DCC: variants seen among roughly 807,000 people sequenced by gnomAD.
The protein encoded by DCC is DCC netrin 1 receptor, also known as netrin receptor DCC.
DCC carries 58 observed loss-of-function variants against 172.5 expected under a neutral mutation model. The observed-to-expected ratio is 0.34, with a 90% confidence interval of 0.27 to 0.42. The LOEUF (loss-of-function observed/expected upper bound fraction) is 0.42. Among genes scored for constraint, DCC ranks in the 10% least tolerant of loss-of-function variants. DCC has a pLI of 1.00. For synonymous variants in DCC, 709 were observed against 644.5 expected (o/e 1.10, Z -1.52); for missense variants, 1,740 against 1,791.0 (o/e 0.97, Z 0.51).
chr18:53,063,547 G>C (rs1449602013), intron 6 of DCC, 88 bp downstream of exon 6: 2 of 898,878 alleles, frequency 2.2e-6, no homozygotes, highest in South Asian at 3.1e-5. Context: ...AAAAAAAAAA[G>C]GTTCCTGTTG....
At chr18:53,098,702 G>C (rs930831141) in intron 7 of DCC, among the ~76,000 whole-genome samples, 1 of 151,976 alleles carries the variant, frequency 6.6e-6, no homozygotes, top group African/African-American at 2.4e-5. Flanking sequence ...AAGTTACTTT[G>C]CCCCCCTTTA....
At chr18:53,407,565 ACTCTCT>A (rs201397464) in intron 19 of DCC, among the ~76,000 whole-genome samples, 1 of 127,074 alleles carries the variant, frequency 7.9e-6, no homozygotes, top group Non-Finnish European at 1.7e-5. Context: ...ATTCACTATT[ACTCTCT>A]CTCTATATAT....
At chr18:53,475,052 C>T (rs988166665) in intron 25 of DCC, among the ~76,000 whole-genome samples, 2 of 152,132 alleles carry the variant, frequency 1.3e-5, no homozygotes, top group Non-Finnish European at 2.9e-5. Context: ...GCATTTTGCC[C>T]CTGCCCTAGA....
intron 1 of DCC, among the ~76,000 whole-genome samples, chr18:52,513,296 G>C (rs1787124): frequency 0.24 from 36,631 of 152,020 alleles, 4,543 homozygotes; most frequent in African/African-American, 0.28. Context: ...CATGAGACAC[G>C]ACTTCCTGAG....
intron 5 of DCC, among the ~76,000 whole-genome samples, chr18:53,023,334 AATAAAAAAAAAAC>A (rs929011871): frequency 6.9e-6 from 1 of 144,250 alleles, no homozygotes; most frequent in Non-Finnish European, 1.5e-5. Context: ...CTTAGAGTAT[AATAAAAAAAAAAC>A]ATAAAAAAAA....
intron 15 of DCC, among the ~76,000 whole-genome samples, chr18:53,342,792 T>A (rs2057675733): frequency 1.6e-5 from 2 of 123,810 alleles, no homozygotes; most frequent in Admixed American, 1.6e-4. Flanking sequence ...TTTGAATATA[T>A]GAACATATAT....
Position 52,800,443 on chromosome 18 carries a change from A to G in DCC, c.412+48069A>G, listed in dbSNP as rs150592064. Among the ~76,000 whole-genome samples the G allele has an allele frequency of 1.7e-3, 257 of 152,332 alleles. No homozygotes were observed. The East Asian group carries it at 0.024, about 14-fold the overall frequency. On this transcript the variant is annotated intron_variant, in intron 2 of 28. Coordinates refer to ENST00000442544, the MANE Select transcript of DCC (RefSeq NM_005215.4). ...ACATTTCCAGTGAGATTTGAGCAGC[A>G]TCTTATCTTTCAATGTGTTCTTTAT...
chr18:53,038,335 G>T (rs778512179), intron 5 of DCC, among the ~76,000 whole-genome samples: 3 of 151,872 alleles, frequency 2.0e-5, no homozygotes, highest in Middle Eastern at 3.4e-3. Context: ...TATCATAAAC[G>T]GAGTGGCTTA....
chr18:53,113,979 A>G (rs1488970833), intron 7 of DCC, among the ~76,000 whole-genome samples: 1 of 151,404 alleles, frequency 6.6e-6, no homozygotes. Flanking sequence ...TGAAGCTTTC[A>G]TTCTCTCTAA....
intron 7 of DCC, among the ~76,000 whole-genome samples, chr18:53,136,869 A>T (rs984407753): frequency 1.3e-5 from 2 of 152,196 alleles, no homozygotes; most frequent in Non-Finnish European, 1.5e-5. Flanking sequence ...ATAATATTAA[A>T]TCATTTCTAC....
intron 21 of DCC, among the ~76,000 whole-genome samples, chr18:53,424,471 C>G (rs1053131924): frequency 6.6e-6 from 1 of 152,142 alleles, no homozygotes; most frequent in Non-Finnish European, 1.5e-5. Flanking sequence ...ATTAACACTT[C>G]CAGTCCAGTA....
At chr18:53,128,866 CACACATATATATATATATAT>C (rs1423130186) in intron 7 of DCC, among the ~76,000 whole-genome samples, 11 of 86,912 alleles carry the variant, frequency 1.3e-4, no homozygotes, top group African/African-American at 2.1e-4. Flanking sequence ...CACACACACA[CACACATATATATATATATAT>C]ATATATATAT....
At chr18:52,432,946 C>G (rs551191136) in intron 1 of DCC, among the ~76,000 whole-genome samples, 28 of 152,256 alleles carry the variant, frequency 1.8e-4, no homozygotes, top group South Asian at 8.3e-4. Flanking sequence ...CCTCTGCACT[C>G]TAACATCTGG....
At chr18:53,527,306 A>ACTT (rs2046469986) in intron 28 of DCC, among the ~76,000 whole-genome samples, 3 of 151,820 alleles carry the variant, frequency 2.0e-5, no homozygotes, top group African/African-American at 4.8e-5. Context: ...ACAGCCCTGA[A>ACTT]CTTCTTAGCT....
At chr18:53,113,866 T>C (rs541421178) in intron 7 of DCC, among the ~76,000 whole-genome samples, 1 of 151,568 alleles carries the variant, frequency 6.6e-6, no homozygotes, top group East Asian at 2.0e-4. Flanking sequence ...CTTTCTGTCA[T>C]TTTATTATGT....
intron 2 of DCC, among the ~76,000 whole-genome samples, chr18:52,859,410 G>T (rs2145357787): frequency 6.6e-6 from 1 of 152,184 alleles, no homozygotes; most frequent in South Asian, 2.1e-4. Flanking sequence ...GACCACAGAG[G>T]GATTGCTTCT....
At chr18:52,919,039 A>G (rs1454768309) in intron 3 of DCC, among the ~76,000 whole-genome samples, 2 of 152,156 alleles carry the variant, frequency 1.3e-5, no homozygotes, top group African/African-American at 4.8e-5. Flanking sequence ...GCTGAGAGAG[A>G]GGTTTCAAGA....
rs370924523 is a variant in DCC, at chr18:52,980,466, T to G, written c.985+55096T>G. Among the ~76,000 whole-genome samples, 5 of 152,170 alleles carry G rather than the reference T, an allele frequency of 3.3e-5. No individual in the cohort carries two copies. The South Asian group carries it at 1.0e-3, about 31-fold the overall frequency. ...CTAATGATTTTCCCTCTTTTCTTTC[T>G]TTGTTTTATCTATTCATTTGTTGGC... On this transcript the variant is annotated intron_variant, in intron 5 of 28. Coordinates refer to ENST00000442544, the MANE Select transcript of DCC (RefSeq NM_005215.4).
At chr18:52,638,575 G>C (rs942563898) in intron 1 of DCC, among the ~76,000 whole-genome samples, 3 of 152,108 alleles carry the variant, frequency 2.0e-5, no homozygotes, top group Non-Finnish European at 4.4e-5. Context: ...AGTTAAAAGA[G>C]ACAACGAGGG....
Sources: allele counts gnomAD v4.1 joint callset (sites outside exome capture counted in the v4.1 genomes callset), GRCh38; gene constraint gnomAD v4.1.1; transcripts MANE v1.5; gene names NCBI Gene and HGNC (gene_info 2026-07-23, HGNC 2026-07-21).